The following EHBP1 variants were observed in gnomAD, a reference collection of about 807,000 sequenced individuals.
The protein encoded by EHBP1 is EH domain binding protein 1.
Under a neutral mutation model 144.0 loss-of-function variants are expected in EHBP1, and 55 were observed. The observed-to-expected ratio is 0.38, with a 90% CI of 0.31 to 0.48. The LOEUF (loss-of-function observed/expected upper bound fraction) is 0.48, where lower values mean the gene tolerates loss of function less well. Among genes scored for constraint, EHBP1 ranks in the 20% least tolerant of loss-of-function variants. The pLI is 0.98. For synonymous variants in EHBP1, 469 were observed against 472.7 expected, an observed-to-expected ratio of 0.99 and a Z score of 0.10; for missense variants, 1,200 against 1,364.2, an observed-to-expected ratio of 0.88 and a Z score of 1.90.
chr2:62,677,544 A>C (rs190133370), intron 1 of EHBP1, among the ~76,000 whole-genome samples: 99 of 152,216 alleles, frequency 6.5e-4, no homozygotes, highest in Non-Finnish European at 9.7e-4. Flanking sequence ...GTTATTTTTT[A>C]CTATAGTCAC....
chr2:62,865,735 A>G (rs1274675659), intron 9 of EHBP1, among the ~76,000 whole-genome samples: 1 of 152,230 alleles, frequency 6.6e-6, no homozygotes, highest in Admixed American at 6.5e-5. Flanking sequence ...CCCTGAGAGA[A>G]CAGAAACAAG....
At chr2:62,867,011 C>T (rs2050095681) in intron 9 of EHBP1, among the ~76,000 whole-genome samples, 1 of 152,010 alleles carries the variant, frequency 6.6e-6, no homozygotes, top group African/African-American at 2.4e-5. Context: ...AACCTGTCAA[C>T]ATAATTTTCT....
chr2:62,691,259 T>C (rs980404651), intron 1 of EHBP1, among the ~76,000 whole-genome samples: 1 of 152,220 alleles, frequency 6.6e-6, no homozygotes, highest in African/African-American at 2.4e-5. Flanking sequence ...TCAGGGCAAA[T>C]GTAGTGCCTC....
At chr2:62,755,119 C>T (rs1019003483) in intron 3 of EHBP1, among the ~76,000 whole-genome samples, 4 of 152,208 alleles carry the variant, frequency 2.6e-5, no homozygotes, top group African/African-American at 9.6e-5. Flanking sequence ...TCCTATTTGG[C>T]CATCTTGTAA....
At chr2:62,702,874 C>A (rs1162565579), upstream of EHBP1, among the ~76,000 whole-genome samples, 1 of 152,116 alleles carries the variant, frequency 6.6e-6, no homozygotes, top group African/African-American at 2.4e-5. Flanking sequence ...TCTCAACATC[C>A]CAGAAAGGTA....
chr2:62,867,336 T>C (rs1188583932), intron 9 of EHBP1, among the ~76,000 whole-genome samples: 1 of 152,118 alleles, frequency 6.6e-6, no homozygotes, highest in Non-Finnish European at 1.5e-5. Context: ...TAGAAAAGCA[T>C]AAGGAATCTT....
intron 5 of EHBP1, among the ~76,000 whole-genome samples, chr2:62,814,036 T>A (rs2045258645): frequency 6.6e-6 from 1 of 152,186 alleles, no homozygotes; most frequent in Non-Finnish European, 1.5e-5. Context: ...ATGGAATGAA[T>A]GTATTTTGCA....
Position 62,681,827 on chromosome 2 carries a change from A to G in EHBP1, c.-296+7744A>G, listed in dbSNP as rs147798907. Reference sequence around the variant, plus strand: ...AGGAAGGAGTGAAGCACCTGAGTGTATTTATCCCAGAGAAAAAGTGTGATG... The same window carrying G: ...AGGAAGGAGTGAAGCACCTGAGTGTGTTTATCCCAGAGAAAAAGTGTGATG... On this transcript the variant is annotated intron_variant, in intron 1 of 22. Transcript: ENST00000405015. 3.1e-3 allele frequency among the ~76,000 whole-genome samples: 479 copies of G among 152,306 alleles called. 3 individuals are homozygous for G. The highest frequency in any genetic ancestry group is 6.8e-3 in the Middle Eastern group (2 of 294).
intron 10 of EHBP1, among the ~76,000 whole-genome samples, chr2:62,920,506 A>G (rs767422250): frequency 2.0e-5 from 3 of 152,326 alleles, no homozygotes; most frequent in Non-Finnish European, 4.4e-5. Flanking sequence ...ATGAAAGGGT[A>G]TTAGTAACCC....
intron 1 of EHBP1, among the ~76,000 whole-genome samples, chr2:62,687,617 T>C (rs2033761519): frequency 6.6e-6 from 1 of 152,238 alleles, no homozygotes; most frequent in Non-Finnish European, 1.5e-5. Context: ...ATTTGACATA[T>C]CAATTTCTCA....
intron 14 of EHBP1, among the ~76,000 whole-genome samples, chr2:62,956,878 A>C (rs970242999): frequency 6.6e-6 from 1 of 152,148 alleles, no homozygotes; most frequent in African/African-American, 2.4e-5. Flanking sequence ...GAACACCTAC[A>C]TGTGGCCTCT....
intron 21 of EHBP1, among the ~76,000 whole-genome samples, chr2:63,040,825 T>C (rs1394283057): frequency 1.3e-5 from 2 of 152,186 alleles, no homozygotes; most frequent in Admixed American, 6.5e-5. Flanking sequence ...GTGATCACTG[T>C]GAAGATCAGC....
chr2:62,935,770 G>A (rs2056343589), intron 10 of EHBP1, among the ~76,000 whole-genome samples: 1 of 152,010 alleles, frequency 6.6e-6, no homozygotes, highest in South Asian at 2.1e-4. Flanking sequence ...TTTCACCCTT[G>A]CAATATTTGC....
chr2:62,924,932 C>T (rs904647681), intron 10 of EHBP1, among the ~76,000 whole-genome samples: 2 of 152,112 alleles, frequency 1.3e-5, no homozygotes, highest in African/African-American at 2.4e-5. Flanking sequence ...CCCTGATGAA[C>T]GTGGACACAA....
chr2:63,026,551 T>TA (rs1024415926), intron 19 of EHBP1, among the ~76,000 whole-genome samples: 6 of 152,146 alleles, frequency 3.9e-5, no homozygotes, highest in Admixed American at 6.6e-5. Flanking sequence ...ATAAATAACT[T>TA]ACACAAGTTC....
intron 5 of EHBP1, among the ~76,000 whole-genome samples, chr2:62,788,312 A>G (rs1478311545): frequency 1.3e-5 from 2 of 152,020 alleles, no homozygotes; most frequent in African/African-American, 2.4e-5. Context: ...CCCACTAGGG[A>G]GTGGAGTCAT....
intron 1 of EHBP1, among the ~76,000 whole-genome samples, chr2:62,679,940 C>T (rs1193141673): frequency 6.6e-6 from 1 of 152,156 alleles, no homozygotes; most frequent in Non-Finnish European, 1.5e-5. Context: ...TTCATCTGAG[C>T]GTTTATCTAG....
chr2:62,754,144 A>T (rs1372247011), intron 3 of EHBP1, among the ~76,000 whole-genome samples: 1 of 152,012 alleles, frequency 6.6e-6, no homozygotes, highest in East Asian at 1.9e-4. Flanking sequence ...TCGGTCTTTG[A>T]TGATGGTGAC....
intron 2 of EHBP1, among the ~76,000 whole-genome samples, chr2:62,715,332 T>C (rs2035562051): frequency 6.6e-6 from 1 of 152,110 alleles, no homozygotes; most frequent in African/African-American, 2.4e-5. Context: ...GCCAGGATGG[T>C]CTCGATCTCC....
Sources: allele counts gnomAD v4.1 joint callset (sites outside exome capture counted in the v4.1 genomes callset), GRCh38; gene constraint gnomAD v4.1.1; transcripts MANE v1.5; gene names NCBI Gene and HGNC (gene_info 2026-07-23, HGNC 2026-07-21).